PRKAG2: variants seen among roughly 807,000 people sequenced by gnomAD.
The protein encoded by PRKAG2 is protein kinase AMP-activated non-catalytic subunit gamma 2, also known as 5'-AMP-activated protein kinase subunit gamma-2.
A neutral mutation model predicts 69.6 loss-of-function variants in PRKAG2; 26 were observed. The ratio of observed to expected loss-of-function variants is 0.37; its 90% confidence interval spans 0.27 to 0.52. The LOEUF (loss-of-function observed/expected upper bound fraction) is 0.52, where lower values mean the gene tolerates loss of function less well. Among genes scored for constraint, PRKAG2 ranks in the 20% least tolerant of loss-of-function variants. PRKAG2 has a pLI of 0.90. For synonymous variants in PRKAG2, 293 were observed against 285.0 expected, an observed-to-expected ratio of 1.03 and a Z score of -0.28; for missense variants, 557 against 740.0, an observed-to-expected ratio of 0.75 and a Z score of 2.87.
chr7:151,679,927 T>C (rs1047366154), intron 3 of PRKAG2, among the ~76,000 whole-genome samples: 1 of 150,616 alleles, frequency 6.6e-6, no homozygotes, highest in Admixed American at 6.6e-5. Context: ...TGGCCAGATA[T>C]GGTGACATAT....
intron 4 of PRKAG2, among the ~76,000 whole-genome samples, chr7:151,666,820 T>C (rs767408493): frequency 2.0e-5 from 3 of 152,180 alleles, no homozygotes; most frequent in Non-Finnish European, 4.4e-5. Context: ...AAATATATAA[T>C]AAGAAGAAAT....
intron 3 of PRKAG2, among the ~76,000 whole-genome samples, chr7:151,775,510 G>T (rs938544174): frequency 2.6e-5 from 4 of 152,170 alleles, no homozygotes; most frequent in African/African-American, 4.8e-5. Flanking sequence ...CACATTGTTT[G>T]CTTGTTAAAA....
At chr7:151,709,488 C>T (rs1297698008) in intron 3 of PRKAG2, among the ~76,000 whole-genome samples, 2 of 151,982 alleles carry the variant, frequency 1.3e-5, no homozygotes, top group South Asian at 2.1e-4. Flanking sequence ...CATTCTGTGA[C>T]ATTATGTGTC....
chr7:151,565,632 C>T (rs1806070875), intron 12 of PRKAG2, 88 bp downstream of exon 12: 2 of 1,523,220 alleles, frequency 1.3e-6, no homozygotes, highest in Non-Finnish European at 1.8e-6. Flanking sequence ...TTCATTTTCC[C>T]CACGTATCTC....
rs142815614 is a variant in PRKAG2, at chr7:151,715,388, C to T, written c.467-39751G>A. On this transcript the variant is annotated intron_variant, in intron 3 of 15. Transcript: ENST00000287878. Reference sequence around the variant, plus strand: ...TTTGAGACAGAGTTCCTGTCTGTTGCCCAGGCTGGAGTGCAGTGGCACAAT... The same window carrying T: ...TTTGAGACAGAGTTCCTGTCTGTTGTCCAGGCTGGAGTGCAGTGGCACAAT... Among the ~76,000 whole-genome samples the T allele has an allele frequency of 9.0e-3, 1,336 of 148,378 alleles. 22 individuals are homozygous for T. Among genetic ancestry groups the T allele is most frequent in the African/African-American group, 0.032 (1,284 of 39,980 alleles).
At chr7:151,726,577 C>G (rs139365113) in intron 3 of PRKAG2, among the ~76,000 whole-genome samples, 1 of 152,110 alleles carries the variant, frequency 6.6e-6, no homozygotes, top group East Asian at 1.9e-4. Flanking sequence ...ACTGGACGGA[C>G]GCAGGAGTCG....
chr7:151,857,292 C>T (rs1394366000), intron 1 of PRKAG2, among the ~76,000 whole-genome samples: 19 of 151,256 alleles, frequency 1.3e-4, no homozygotes. Context: ...GCTCCCAGAT[C>T]ACTGAGCCCT....
intron 6 of PRKAG2, among the ~76,000 whole-genome samples, chr7:151,587,459 T>C (rs938974659): frequency 2.0e-5 from 3 of 152,028 alleles, no homozygotes. Context: ...CTTGGGACTA[T>C]GGCATGGAAA....
chr7:151,820,176 C>T (rs2078735294), intron 1 of PRKAG2, among the ~76,000 whole-genome samples: 1 of 152,248 alleles, frequency 6.6e-6, no homozygotes, highest in Non-Finnish European at 1.5e-5. Flanking sequence ...GAAGGACTCG[C>T]TATTCACGCC....
chr7:151,626,483 G>A (rs955295179), intron 5 of PRKAG2, among the ~76,000 whole-genome samples: 1 of 152,144 alleles, frequency 6.6e-6, no homozygotes, highest in Non-Finnish European at 1.5e-5. Context: ...TCTTATCTAC[G>A]AGGAGTGTGT....
rs2077097785 is a variant in PRKAG2 at position 151,788,004 on chromosome 7, T to G, written c.115-1463A>C. Among the ~76,000 whole-genome samples, 2 of 152,368 alleles carry G rather than the reference T, an allele frequency of 1.3e-5. No homozygotes were observed. The highest frequency in any genetic ancestry group is 4.1e-4 in the South Asian group (2 of 4,830). ...CATGAGAAAACATATTTCTGTTGTT[T>G]AAGCCACCCCACTTAATCTGTAGTG... is the stretch of plus-strand genomic sequence containing the variant. On this transcript the variant is annotated intron_variant, in intron 1 of 15. Transcript: ENST00000287878. The surrounding 1 kb of genome is among the most constrained non-coding windows in gnomAD (Gnocchi z 4.6).
Position 151,583,776 on chromosome 7 carries a change from G to A in PRKAG2, c.865-7324C>T, listed in dbSNP as rs938414994. On this transcript the variant is annotated intron_variant, in intron 6 of 15. Coordinates refer to ENST00000287878, the MANE Select transcript of PRKAG2 (RefSeq NM_016203.4). The surrounding 1 kb of genome is among the most constrained non-coding windows in gnomAD (Gnocchi z 4.1). ...TAATTTTAAAGTTTACATTTTAATA[G>A]GATTTTCAACACATTTCAAAGCAAA... Among the ~76,000 whole-genome samples the A allele has an allele frequency of 6.6e-6, 1 of 152,168 alleles. No individual in the cohort carries two copies. Among genetic ancestry groups the A allele is most frequent in the African/African-American group, 2.4e-5 (1 of 41,444 alleles).
rs2079542975 is a variant in PRKAG2 at position 151,850,502 on chromosome 7, A to G, written c.114+26005T>C. Among the ~76,000 whole-genome samples the G allele has an allele frequency of 6.6e-6, 1 of 152,220 alleles. No homozygotes were observed. Among genetic ancestry groups the G allele is most frequent in the Non-Finnish European group, 1.5e-5 (1 of 68,026 alleles). On this transcript the variant is annotated intron_variant, in intron 1 of 15. Coordinates refer to ENST00000287878, the MANE Select transcript of PRKAG2 (RefSeq NM_016203.4). The surrounding 1 kb of genome is among the most constrained non-coding windows in gnomAD (Gnocchi z 4.1). ...GCCCTGCCATTGTGGAGGTGGGCAA[A>G]CCGAGGTTCAGAGATGGCATTGGCC...
chr7:151,752,658 G>T (rs1214739082), intron 3 of PRKAG2, among the ~76,000 whole-genome samples: 3 of 152,138 alleles, frequency 2.0e-5, no homozygotes, highest in African/African-American at 7.2e-5. Flanking sequence ...CACACACAGG[G>T]AGAGAAGAAA....
chr7:151,703,911 A>ACAC lies in PRKAG2; in HGVS notation c.467-28275_467-28274insGTG, dbSNP rs1563476709. Reference sequence around the variant, plus strand: ...ACACACACACACACACACACACACAAATTAGCTAGGCATGGTGGCAGGTGC... The same window carrying ACAC: ...ACACACACACACACACACACACACAACACATTAGCTAGGCATGGTGGCAGGTGC... On this transcript the variant is annotated intron_variant, in intron 3 of 15. Coordinates refer to ENST00000287878, the MANE Select transcript of PRKAG2 (RefSeq NM_016203.4). Among the ~76,000 whole-genome samples, 189 of 103,704 alleles carry ACAC rather than the reference A, an allele frequency of 1.8e-3. 2 individuals are homozygous for ACAC. Among genetic ancestry groups the ACAC allele is most frequent in the South Asian group, 5.2e-3 (17 of 3,258 alleles). 68.0% of individuals were successfully genotyped at this position (103,704 alleles called of 152,430 possible). A position where few individuals can be genotyped will look rare whatever the true frequency, so the allele number is the denominator to read the frequency against.
At chr7:151,767,383 C>T (rs1045450572) in intron 3 of PRKAG2, among the ~76,000 whole-genome samples, 7 of 152,186 alleles carry the variant, frequency 4.6e-5, no homozygotes, top group Non-Finnish European at 7.3e-5. Flanking sequence ...CTCTGCCTCC[C>T]GGGTTCAAGC....
intron 3 of PRKAG2, among the ~76,000 whole-genome samples, chr7:151,739,514 G>A (rs2073719863): frequency 6.6e-6 from 1 of 151,832 alleles, no homozygotes; most frequent in Non-Finnish European, 1.5e-5. Flanking sequence ...TTGTTGCCCA[G>A]GCTGGAGTGC....
At chr7:151,870,632 C>T (rs1018392329) in intron 1 of PRKAG2, among the ~76,000 whole-genome samples, 4 of 152,186 alleles carry the variant, frequency 2.6e-5, no homozygotes, top group Non-Finnish European at 4.4e-5. Flanking sequence ...CCTCCAGCCC[C>T]GGGGCAGGAC....
chr7:151,618,781 T>A (rs541313543), intron 5 of PRKAG2, among the ~76,000 whole-genome samples: 1 of 152,128 alleles, frequency 6.6e-6, no homozygotes, highest in East Asian at 1.9e-4. Flanking sequence ...TAAAATAAAA[T>A]AAAAACCCCT....
Sources: allele counts gnomAD v4.1 joint callset (sites outside exome capture counted in the v4.1 genomes callset), GRCh38; gene constraint gnomAD v4.1.1; non-coding constraint Gnocchi (gnomAD v3.1); transcripts MANE v1.5; gene names NCBI Gene and HGNC (gene_info 2026-07-23, HGNC 2026-07-21).